Variants in STX18 observed in about 807,000 individuals in gnomAD.
STX18 encodes syntaxin 18, also known as syntaxin-18.
STX18 carries 40 observed loss-of-function variants against 50.1 expected under a neutral mutation model. The ratio of observed to expected loss-of-function variants is 0.80; its 90% confidence interval spans 0.62 to 1.04. STX18 has a LOEUF of 1.04. STX18 is among the 50% of genes least tolerant of loss of function. STX18 has a pLI of 0.00. For synonymous variants in STX18, 158 were observed against 151.8 expected, an observed-to-expected ratio of 1.04 and a Z score of -0.30; for missense variants, 410 against 415.8, an observed-to-expected ratio of 0.99 and a Z score of 0.12.
intron 1 of STX18, among the ~76,000 whole-genome samples, chr4:4,479,676 C>T (rs1291167009): frequency 2.0e-5 from 3 of 152,128 alleles, no homozygotes; most frequent in Admixed American, 6.5e-5. Context: ...ATTTTAATGA[C>T]GCTAATTTCC....
chr4:4,469,227 G>A (rs909813815), intron 2 of STX18, among the ~76,000 whole-genome samples: 5 of 152,204 alleles, frequency 3.3e-5, no homozygotes, highest in Non-Finnish European at 7.3e-5. Flanking sequence ...AGTCTAGCCT[G>A]CAGGCATGGC....
chr4:4,497,019 A>C (rs1729210228), intron 1 of STX18, among the ~76,000 whole-genome samples: 2 of 152,188 alleles, frequency 1.3e-5, no homozygotes, highest in Non-Finnish European at 2.9e-5. Flanking sequence ...GTTTTACGCG[A>C]AACAAACCCC....
At chr4:4,459,794 T>C (rs1445725835) in intron 2 of STX18, among the ~76,000 whole-genome samples, 1 of 152,214 alleles carries the variant, frequency 6.6e-6, no homozygotes, top group Admixed American at 6.5e-5. Context: ...ATAAAGAATG[T>C]AGGCTCTGCT....
chr4:4,483,724 C>G, intron 1 of STX18, among the ~76,000 whole-genome samples: 1 of 152,218 alleles, frequency 6.6e-6, no homozygotes, highest in East Asian at 1.9e-4. Context: ...AGGGCACCCA[C>G]TGCCTCTCCC....
At chr4:4,455,219 G>T (rs1261658860) in intron 5 of STX18, among the ~76,000 whole-genome samples, 1 of 152,140 alleles carries the variant, frequency 6.6e-6, no homozygotes, top group African/African-American at 2.4e-5. Flanking sequence ...GACATATCCT[G>T]ATTAAGCTGA....
chr4:4,524,488 G>T (rs1730659289), intron 1 of STX18, among the ~76,000 whole-genome samples: 1 of 152,212 alleles, frequency 6.6e-6, no homozygotes, highest in South Asian at 2.1e-4. Flanking sequence ...CTCAATTTGA[G>T]CCAGTAAGAG....
chr4:4,432,577 C>T (rs962011460), intron 7 of STX18, among the ~76,000 whole-genome samples: 9 of 152,256 alleles, frequency 5.9e-5, no homozygotes, highest in Non-Finnish European at 1.5e-5. Flanking sequence ...CAAACTTTAG[C>T]CCCACCTGTG....
intron 1 of STX18, chr4:4,507,583 C>T: frequency 2.6e-6 from 2 of 763,494 alleles, no homozygotes; most frequent in South Asian, 2.7e-5. Context: ...GTGCACGACG[C>T]AAGCCTTGAG....
At chr4:4,517,596 C>A (rs62286516) in intron 1 of STX18, among the ~76,000 whole-genome samples, 23,194 of 152,022 alleles carry the variant, frequency 0.15, 1,827 homozygotes, top group Non-Finnish European at 0.18. Flanking sequence ...AATGCATAAA[C>A]GTGATTTATT....
chr4:4,505,837 TC>T (rs1428929527), intron 1 of STX18, among the ~76,000 whole-genome samples: 7 of 152,124 alleles, frequency 4.6e-5, no homozygotes, highest in Non-Finnish European at 8.8e-5. Flanking sequence ...TGAATGCTTA[TC>T]ACTTTTGCAG....
intron 2 of STX18, among the ~76,000 whole-genome samples, chr4:4,469,370 T>C (rs1223275789): frequency 6.6e-6 from 1 of 152,190 alleles, no homozygotes; most frequent in Non-Finnish European, 1.5e-5. Flanking sequence ...TTATAGAAAG[T>C]TGGCTGATCC....
intron 5 of STX18, among the ~76,000 whole-genome samples, chr4:4,448,881 C>T (rs912798902): frequency 9.9e-5 from 15 of 152,204 alleles, no homozygotes; most frequent in African/African-American, 3.4e-4. Flanking sequence ...TTCATTCTGG[C>T]TTTATCCCTT....
chr4:4,423,721 G>T, intron 8 of STX18, 134 bp from the exon 9 acceptor site: 2 of 874,166 alleles, frequency 2.3e-6, no homozygotes, highest in Non-Finnish European at 3.6e-6. Flanking sequence ...TCGGCTGGGG[G>T]AAGAGGAGAT....
intron 2 of STX18, among the ~76,000 whole-genome samples, chr4:4,470,889 A>G (rs760373457): frequency 6.6e-6 from 1 of 152,196 alleles, no homozygotes; most frequent in South Asian, 2.1e-4. Flanking sequence ...ATTAATGCTA[A>G]TTCCAATGCA....
chr4:4,519,760 A>G (rs1560206993), intron 1 of STX18, among the ~76,000 whole-genome samples: 1 of 152,194 alleles, frequency 6.6e-6, no homozygotes, highest in Non-Finnish European at 1.5e-5. Context: ...TTATTGAACA[A>G]GAAAATTGAA....
At chr4:4,482,755 G>A (rs1728523490) in intron 1 of STX18, among the ~76,000 whole-genome samples, 1 of 152,172 alleles carries the variant, frequency 6.6e-6, no homozygotes, top group African/African-American at 2.4e-5. Flanking sequence ...AAAATTGCAG[G>A]CCCAAGGAGG....
At chr4:4,447,401 A>G (rs1435459272) in intron 5 of STX18, among the ~76,000 whole-genome samples, 1 of 151,716 alleles carries the variant, frequency 6.6e-6, no homozygotes, top group Non-Finnish European at 1.5e-5. Flanking sequence ...CATCCTGGCT[A>G]ACACGGTGAA....
At chr4:4,491,222 A>C (rs1047663803) in intron 1 of STX18, among the ~76,000 whole-genome samples, 2 of 152,120 alleles carry the variant, frequency 1.3e-5, no homozygotes, top group Non-Finnish European at 2.9e-5. Flanking sequence ...TTAAACTACG[A>C]GCACGTCTAG....
chr4:4,423,721 G>A lies in STX18; in HGVS notation c.762-134C>T, dbSNP rs568304570. Reference sequence around the variant, plus strand: ...AGGGGGCACACTGTGTCGGCTGGGGGAAGAGGAGATGGGAGAGGAAGGCGA... The same window carrying A: ...AGGGGGCACACTGTGTCGGCTGGGGAAAGAGGAGATGGGAGAGGAAGGCGA... On this transcript the variant is annotated intron_variant, in intron 8 of 10. Transcript: ENST00000306200. 1,507 of 874,152 alleles carry A rather than the reference G, an allele frequency of 1.7e-3. 1 individual carries two copies. Among genetic ancestry groups the A allele is most frequent in the Non-Finnish European group, 2.4e-3 (1,337 of 552,484 alleles). The allele number at this position is 874,152 out of a possible 1,614,324, so 54.1% of individuals were successfully genotyped here. A position where few individuals can be genotyped will look rare whatever the true frequency, so the allele number is the denominator to read the frequency against.
Sources: gnomAD v4.1 joint callset for allele counts (sites outside exome capture counted in the v4.1 genomes callset) on GRCh38, gnomAD v4.1.1 for gene constraint, MANE v1.5 for transcripts, NCBI Gene and HGNC (gene_info 2026-07-23, HGNC 2026-07-21) for gene names.